The following PHF2 variants were observed in gnomAD, a reference collection of about 807,000 sequenced individuals.
The protein encoded by PHF2 is PHD finger protein 2.
In PHF2, 27 loss-of-function variants were observed where a neutral mutation model predicts 120.5. The observed-to-expected ratio is 0.22, with a 90% confidence interval of 0.17 to 0.31. The LOEUF (loss-of-function observed/expected upper bound fraction) is 0.31. Among genes scored for constraint, PHF2 ranks in the 10% least tolerant of loss-of-function variants. The pLI is 1.00. For synonymous variants in PHF2, 568 were observed against 592.5 expected (o/e 0.96, Z 0.60); for missense variants, 1,024 against 1,434.8 (o/e 0.71, Z 4.63).
intron 1 of PHF2, among the ~76,000 whole-genome samples, chr9:93,594,330 G>C (rs1003811710): frequency 1.3e-5 from 2 of 152,212 alleles, no homozygotes; most frequent in Admixed American, 1.3e-4. Context: ...CAGTTGAAAA[G>C]GGCCCCGCCC....
chr9:93,650,622 T>G (rs1395505035), intron 5 of PHF2, among the ~76,000 whole-genome samples: 1 of 152,208 alleles, frequency 6.6e-6, no homozygotes, highest in Admixed American at 6.5e-5. Context: ...TACACCAGCC[T>G]GGCTTCCTGG....
intron 2 of PHF2, among the ~76,000 whole-genome samples, chr9:93,630,820 G>A (rs563554177): frequency 6.6e-6 from 1 of 152,318 alleles, no homozygotes; most frequent in Non-Finnish European, 1.5e-5. Flanking sequence ...ATATGGGTGT[G>A]CGTGTGTTAA....
intron 5 of PHF2, among the ~76,000 whole-genome samples, chr9:93,649,947 C>T (rs1826335801): frequency 6.6e-6 from 1 of 152,124 alleles, no homozygotes; most frequent in South Asian, 2.1e-4. Context: ...ACATGACACA[C>T]TAGTGGACAC....
At chr9:93,626,112 A>G (rs1587690670) in intron 1 of PHF2, among the ~76,000 whole-genome samples, 1 of 152,186 alleles carries the variant, frequency 6.6e-6, no homozygotes, top group East Asian at 1.9e-4. Context: ...GCGTGATGGC[A>G]GGCACCTGTA....
intron 1 of PHF2, among the ~76,000 whole-genome samples, chr9:93,591,050 G>A (rs1302318339): frequency 1.3e-5 from 2 of 152,152 alleles, no homozygotes; most frequent in South Asian, 2.1e-4. Flanking sequence ...GTGACCCTCC[G>A]AGGGATCCAA....
At chr9:93,625,111 A>G (rs1027497176) in intron 1 of PHF2, among the ~76,000 whole-genome samples, 8 of 152,210 alleles carry the variant, frequency 5.3e-5, no homozygotes, top group African/African-American at 1.9e-4. Context: ...CACACCCACT[A>G]AACAGTAACT....
intron 3 of PHF2, among the ~76,000 whole-genome samples, chr9:93,638,128 CT>C (rs952560449): frequency 6.1e-4 from 89 of 145,212 alleles, no homozygotes; most frequent in Admixed American, 1.2e-3. Context: ...AATTTTTTTG[CT>C]TTTTTTTTTG....
intron 1 of PHF2, among the ~76,000 whole-genome samples, chr9:93,613,206 A>G (rs1172156323): frequency 1.3e-5 from 2 of 152,156 alleles, no homozygotes; most frequent in East Asian, 3.9e-4. Context: ...CTTTGAGCAA[A>G]TATATTCTAG....
chr9:93,596,156 A>G (rs1452632554), intron 1 of PHF2, among the ~76,000 whole-genome samples: 1 of 152,162 alleles, frequency 6.6e-6, no homozygotes, highest in East Asian at 1.9e-4. Flanking sequence ...TGTCCTGGGA[A>G]GCTGACCTCA....
intron 3 of PHF2, among the ~76,000 whole-genome samples, chr9:93,638,286 T>C (rs1473879376): frequency 1.3e-5 from 2 of 152,234 alleles, no homozygotes; most frequent in Non-Finnish European, 2.9e-5. Flanking sequence ...GTTTTTAATT[T>C]TGATAAAGTC....
chr9:93,657,475 G>A (rs766869606), intron 9 of PHF2, among the ~76,000 whole-genome samples: 6 of 152,200 alleles, frequency 3.9e-5, no homozygotes, highest in Non-Finnish European at 7.3e-5. Context: ...CAGGGATCAG[G>A]GCAGCACCTG....
intron 1 of PHF2, among the ~76,000 whole-genome samples, chr9:93,605,426 A>G (rs1181807813): frequency 6.6e-6 from 1 of 152,252 alleles, no homozygotes; most frequent in Non-Finnish European, 1.5e-5. Context: ...ACAATGTAAT[A>G]TACACCATTA....
rs573148277 is a variant in PHF2, at chr9:93,679,569, T to C, written c.*1893T>C. ...TCAAAGTTTTAAAAAAGTAAAAATA[T>C]TTCAGGTTTTGTACAGAACCATGTC... On this transcript the variant is annotated 3_prime_UTR_variant, in exon 22 of 22. Coordinates refer to ENST00000359246, the MANE Select transcript of PHF2 (RefSeq NM_005392.4). 1 of 234,398 alleles carries C rather than the reference T, an allele frequency of 4.3e-6. No individual in the cohort carries two copies. The highest frequency in any genetic ancestry group is 2.4e-5 in the African/African-American group (1 of 42,256). The allele number at this position is 234,398 out of a possible 1,614,324, so 14.5% of individuals were successfully genotyped here.
intron 19 of PHF2, among the ~76,000 whole-genome samples, chr9:93,675,227 G>A (rs1426867440): frequency 1.3e-5 from 2 of 152,188 alleles, no homozygotes; most frequent in East Asian, 3.9e-4. Context: ...CTGGGGGCCT[G>A]GGAGCCCAGA....
At chr9:93,602,316 G>A (rs934971976) in intron 1 of PHF2, among the ~76,000 whole-genome samples, 3 of 135,206 alleles carry the variant, frequency 2.2e-5, no homozygotes, top group East Asian at 2.4e-4. Flanking sequence ...GCAATGGCAC[G>A]ATCTCGGCTC....
chr9:93,580,925 G>A (rs887031149), intron 1 of PHF2, among the ~76,000 whole-genome samples: 2 of 152,142 alleles, frequency 1.3e-5, no homozygotes, highest in Non-Finnish European at 2.9e-5. Flanking sequence ...ATGTTGCTGT[G>A]GGGAGAGGTT....
chr9:93,677,480 T>G lies in PHF2; in HGVS notation c.3203-108T>G, dbSNP rs1826939673. 1 of 778,490 alleles carries G rather than the reference T, an allele frequency of 1.3e-6. No individual in the cohort carries two copies. Among genetic ancestry groups the G allele is most frequent in the East Asian group, 2.4e-5 (1 of 40,852 alleles). The allele number at this position is 778,490 out of a possible 1,614,324, so 48.2% of individuals were successfully genotyped here. A position where few individuals can be genotyped will look rare whatever the true frequency, so the allele number is the denominator to read the frequency against. On this transcript the variant is annotated intron_variant, in intron 21 of 21. Coordinates refer to ENST00000359246, the MANE Select transcript of PHF2 (RefSeq NM_005392.4). The surrounding 1 kb of genome is among the most constrained non-coding windows in gnomAD (Gnocchi z 4.4). ...TAGGCCCATTTTACAGATGGGGGAC[T>G]GCAGGCTGCCCCTTAGTGTCAGCGG...
chr9:93,649,419 A>C (rs115546187), intron 5 of PHF2, among the ~76,000 whole-genome samples: 2,955 of 122,960 alleles, frequency 0.024, 105 homozygotes, highest in African/African-American at 0.087. Context: ...CCCACAGCTG[A>C]CTGTTTCTCT....
At chr9:93,673,498 G>A (rs1826847429) in intron 17 of PHF2, 87 bp from the exon 18 acceptor site, 3 of 1,256,798 alleles carry the variant, frequency 2.4e-6, no homozygotes, top group African/African-American at 1.5e-5. Context: ...TTGTGCAGGA[G>A]TTTGTGCAGG....
Sources: gnomAD v4.1 joint callset for allele counts (sites outside exome capture counted in the v4.1 genomes callset) on GRCh38, gnomAD v4.1.1 for gene constraint, Gnocchi (gnomAD v3.1) non-coding constraint, MANE v1.5 for transcripts, NCBI Gene and HGNC (gene_info 2026-07-23, HGNC 2026-07-21) for gene names.